SCUBE1: variants seen among roughly 807,000 people sequenced by gnomAD.
The protein encoded by SCUBE1 is signal peptide, CUB and EGF-like domain-containing protein 1.
SCUBE1 carries 59 observed loss-of-function variants against 124.4 expected under a neutral mutation model. The observed-to-expected ratio is 0.47, with a 90% CI of 0.38 to 0.59. The LOEUF (loss-of-function observed/expected upper bound fraction) is 0.59. SCUBE1 is among the 20% of genes least tolerant of loss of function. SCUBE1 has a pLI of 0.00. For synonymous variants in SCUBE1, 545 were observed against 550.9 expected (o/e 0.99, Z 0.15); for missense variants, 1,150 against 1,371.2 (o/e 0.84, Z 2.55).
At chr22:43,214,928 C>T (rs1921744545) in intron 15 of SCUBE1, among the ~76,000 whole-genome samples, 1 of 152,036 alleles carries the variant, frequency 6.6e-6, no homozygotes, top group Non-Finnish European at 1.5e-5. Flanking sequence ...TAGAAAAGAC[C>T]CTGAGGTGTG....
chr22:43,214,058 A>ACCCCC, intron 16 of SCUBE1, 32 bp downstream of exon 16: 1 of 214,038 alleles, frequency 4.7e-6, no homozygotes, highest in South Asian at 3.9e-5. Flanking sequence ...CCCACCCCCC[A>ACCCCC]CCCCCACCTC....
intron 4 of SCUBE1, among the ~76,000 whole-genome samples, chr22:43,280,181 T>C (rs1318163347): frequency 2.0e-5 from 3 of 152,064 alleles, no homozygotes; most frequent in Admixed American, 6.5e-5. Context: ...TAGAGACCAG[T>C]GGGCCCTGCC....
intron 4 of SCUBE1, among the ~76,000 whole-genome samples, chr22:43,269,027 A>C (rs1441815049): frequency 6.6e-6 from 1 of 152,148 alleles, no homozygotes; most frequent in East Asian, 1.9e-4. Context: ...GAAGTGATGT[A>C]TGAACTTGGG....
At chr22:43,316,649 G>T (rs1012441417) in intron 3 of SCUBE1, among the ~76,000 whole-genome samples, 1 of 152,142 alleles carries the variant, frequency 6.6e-6, no homozygotes, top group African/African-American at 2.4e-5. Context: ...GCTGCCTGCA[G>T]GTCTATGTAG....
rs1922697892 is a variant in SCUBE1 at position 43,234,938 on chromosome 22, C to T, written c.845-3063G>A. On this transcript the variant is annotated intron_variant, in intron 7 of 21. Transcript: ENST00000360835. The surrounding 1 kb of genome is among the most constrained non-coding windows in gnomAD (Gnocchi z 4.4). Reference sequence around the variant, plus strand: ...GACCGCACCCAGTACAGCCACAGCCCCCCTCTCACCTGCTGACCCCAGCCC... The same window carrying T: ...GACCGCACCCAGTACAGCCACAGCCTCCCTCTCACCTGCTGACCCCAGCCC... Among the ~76,000 whole-genome samples the T allele has an allele frequency of 6.6e-6, 1 of 152,194 alleles. No homozygotes were observed. The highest frequency in any genetic ancestry group is 1.5e-5 in the Non-Finnish European group (1 of 68,032).
intron 5 of SCUBE1, 40 bp downstream of exon 5, chr22:43,262,677 GAGA>G (rs1176416501): frequency 6.2e-7 from 1 of 1,606,970 alleles, no homozygotes; most frequent in Non-Finnish European, 8.5e-7. Context: ...GTAATGGCAG[GAGA>G]CGCACGGGAC....
chr22:43,313,887 C>G (rs1003835813), intron 3 of SCUBE1, among the ~76,000 whole-genome samples: 6 of 152,226 alleles, frequency 3.9e-5, no homozygotes, highest in Non-Finnish European at 8.8e-5. Flanking sequence ...CTAATCAGCT[C>G]AGAACACTTT....
At chr22:43,304,762 C>T (rs9612037) in intron 3 of SCUBE1, among the ~76,000 whole-genome samples, 100,451 of 151,912 alleles carry the variant, frequency 0.66, 37,530 homozygotes, top group Non-Finnish European at 0.85. Context: ...TGCTGCTCCT[C>T]CCTCCTAAAA....
rs959125985 is a variant in SCUBE1 at position 43,211,147 on chromosome 22, G to A, written c.2222-64C>T. ...GGTGCAGGGAAAGGGCAGCACTGGG[G>A]TGCTGTCCCCAGGACCTCTCATGCC... On this transcript the variant is annotated intron_variant, in intron 17 of 21. Transcript: ENST00000360835. This position sits in a 1 kb window ranked among gnomAD's most constrained non-coding sequence, Gnocchi z 4.5. 1.1e-5 allele frequency: 17 copies of A among 1,519,806 alleles called. No individual in the cohort carries two copies. Among genetic ancestry groups the A allele is most frequent in the African/African-American group, 5.5e-5 (4 of 72,808 alleles). 94.1% of individuals were successfully genotyped at this position (1,519,806 alleles called of 1,614,324 possible).
intron 6 of SCUBE1, among the ~76,000 whole-genome samples, chr22:43,250,063 A>G (rs1023342098): frequency 2.0e-5 from 3 of 152,218 alleles, no homozygotes; most frequent in Non-Finnish European, 1.5e-5. Context: ...TTCATCCTCA[A>G]ATCGATAGGA....
chr22:43,329,975 AGG>A (rs1444313423), intron 2 of SCUBE1, among the ~76,000 whole-genome samples: 5 of 150,946 alleles, frequency 3.3e-5, no homozygotes, highest in Non-Finnish European at 7.4e-5. Context: ...GGGGGCAGAG[AGG>A]GGCTGCTGCC....
chr22:43,246,776 G>A (rs1923229843), intron 6 of SCUBE1, among the ~76,000 whole-genome samples: 1 of 152,224 alleles, frequency 6.6e-6, no homozygotes. Flanking sequence ...ACAACAACCT[G>A]GGGCAGAAGG....
chr22:43,340,504 ACAC>A (rs1927277590), intron 1 of SCUBE1, among the ~76,000 whole-genome samples: 2 of 150,902 alleles, frequency 1.3e-5, no homozygotes, highest in Admixed American at 6.6e-5. Context: ...ACACACACAC[ACAC>A]ACACACACAC....
At chr22:43,309,530 A>C (rs1370783318) in intron 3 of SCUBE1, among the ~76,000 whole-genome samples, 1 of 152,204 alleles carries the variant, frequency 6.6e-6, no homozygotes, top group Non-Finnish European at 1.5e-5. Flanking sequence ...AAATGAGTGA[A>C]TATTAAAATA....
chr22:43,333,538 G>A (rs1926967734), intron 2 of SCUBE1, among the ~76,000 whole-genome samples: 2 of 152,228 alleles, frequency 1.3e-5, no homozygotes, highest in South Asian at 4.1e-4. Flanking sequence ...AAGTTTCAAG[G>A]TGACCTGGTG....
At position 43,277,431 on chromosome 22, in the gene SCUBE1, G is replaced by A. The variant is rs376637043; in HGVS notation, c.484+13615C>T. Among the ~76,000 whole-genome samples the A allele has an allele frequency of 1.7e-3, 255 of 152,302 alleles. 2 individuals are homozygous for A. Among genetic ancestry groups the A allele is most frequent in the Non-Finnish European group, 3.0e-3 (205 of 68,020 alleles). On this transcript the variant is annotated intron_variant, in intron 4 of 21. Transcript: ENST00000360835. ...TGCCGCACTAACTCAGGCAAAAGACGGCAGCGCAGCCCTAGGCAGAGGGCA... is the reference window on the plus strand; with the variant it reads ...TGCCGCACTAACTCAGGCAAAAGACAGCAGCGCAGCCCTAGGCAGAGGGCA...
Position 43,208,166 on chromosome 22 carries a change from G to A in SCUBE1, c.2640C>T (p.Ala880=), listed in dbSNP as rs943667097. The change falls in exon 20 of 22, where the codon GCC becomes GCT. Residue 880 remains alanine, a synonymous_variant. Coordinates refer to ENST00000360835, the MANE Select transcript of SCUBE1 (RefSeq NM_173050.5). Reference sequence around the variant, plus strand: ...AGAGCTTGCGGGAGCGGGAGGTGAAGGCGATGGGCCTCTCGTAGGTCTGGC... The same window carrying A: ...AGAGCTTGCGGGAGCGGGAGGTGAAAGCGATGGGCCTCTCGTAGGTCTGGC... The part of the protein sequence containing the change: ...ETCQTYERPI[A]FTSRSRKLWI... 6.2e-7 allele frequency: 1 copy of A among 1,614,034 alleles called. No individual in the cohort carries two copies. Among genetic ancestry groups the A allele is most frequent in the Non-Finnish European group, 8.5e-7 (1 of 1,180,028 alleles).
At position 43,222,653 on chromosome 22, in the gene SCUBE1, C is replaced by T. The variant is rs146338408; in HGVS notation, c.1417G>A (p.Gly473Arg). Residue 473 changes from glycine to arginine, a missense_variant, in exon 12 of 22, where the codon GGG becomes AGG. Gly to Arg is a moderately radical substitution (Grantham distance 125, BLOSUM62 -2). Around this residue, in one of 3 missense-constraint regions of SCUBE1, gnomAD observed 757 missense variants for 840.9 expected, o/e 0.90. Coordinates refer to ENST00000360835, the MANE Select transcript of SCUBE1 (RefSeq NM_173050.5). ...QKRNGTSSGL[G>R]PSCSDAPTTP... The stretch of plus-strand genomic sequence containing the variant: ...GGGGGGTTACCTGAGCAGCTGGGCC[C>T]GAGGCCAGAGCTGGTGCCGTTGCGT... 7.0e-5 allele frequency: 112 copies of T among 1,594,348 alleles called. No homozygotes were observed. Among genetic ancestry groups the T allele is most frequent in the African/African-American group, 4.4e-4 (33 of 74,772 alleles).
rs963945655 is a variant in SCUBE1, at chr22:43,275,033, G to A, written c.485-12188C>T. ...TTGTCGCTGCACTCAACAGACAAAC[G>A]TGTGGGCGATCTGTGATGTGCCCTG... On this transcript the variant is annotated intron_variant, in intron 4 of 21. Transcript: ENST00000360835. Among the ~76,000 whole-genome samples, 4 of 152,256 alleles carry A rather than the reference G, an allele frequency of 2.6e-5. No homozygotes were observed. In the South Asian group the frequency reaches 6.2e-4, roughly 24 times the overall value.
Sources: gnomAD v4.1 joint callset for allele counts (sites outside exome capture counted in the v4.1 genomes callset) on GRCh38, gnomAD v4.1.1 for gene constraint, gnomAD v4.1.1 regional missense constraint, Gnocchi (gnomAD v3.1) non-coding constraint, MANE v1.5 for transcripts, NCBI Gene and HGNC (gene_info 2026-07-23, HGNC 2026-07-21) for gene names.